The following LSAMP variants were observed in gnomAD, a reference collection of about 807,000 sequenced individuals.
The protein encoded by LSAMP is limbic system associated membrane protein, also known as limbic system-associated membrane protein.
Under a neutral mutation model 38.6 loss-of-function variants are expected in LSAMP, and 7 were observed. The ratio of observed to expected loss-of-function variants is 0.18; its 90% confidence interval spans 0.10 to 0.34. The LOEUF is 0.34. Ranked by LOEUF, LSAMP falls within the 10% of genes least tolerant of loss-of-function variation. The pLI is 1.00. For synonymous variants in LSAMP, 154 were observed against 166.8 expected (o/e 0.92, Z 0.59); for missense variants, 313 against 420.0 (o/e 0.75, Z 2.23).
intron 1 of LSAMP, among the ~76,000 whole-genome samples, chr3:116,159,896 T>C (rs536752000): frequency 6.6e-6 from 1 of 152,010 alleles, no homozygotes; most frequent in African/African-American, 2.4e-5. Flanking sequence ...TACAAAGCCA[T>C]AAAAAAAGAA....
At chr3:116,311,244 T>A (rs1468908898) in intron 1 of LSAMP, among the ~76,000 whole-genome samples, 1 of 152,184 alleles carries the variant, frequency 6.6e-6, no homozygotes, top group Non-Finnish European at 1.5e-5. Flanking sequence ...TCATCTTTTC[T>A]TATATTTACT....
intron 1 of LSAMP, among the ~76,000 whole-genome samples, chr3:116,262,779 A>G (rs1375787671): frequency 6.6e-6 from 1 of 152,204 alleles, no homozygotes; most frequent in South Asian, 2.1e-4. Context: ...GAAAGGACAG[A>G]CAGAAGGAGG....
chr3:116,359,199 G>A (rs1415324962), intron 1 of LSAMP, among the ~76,000 whole-genome samples: 1 of 152,124 alleles, frequency 6.6e-6, no homozygotes, highest in African/African-American at 2.4e-5. Context: ...TTTGTACTAT[G>A]TGTATAATAT....
intron 3 of LSAMP, among the ~76,000 whole-genome samples, chr3:115,886,070 G>A (rs989918315): frequency 6.6e-6 from 1 of 151,882 alleles, no homozygotes; most frequent in Non-Finnish European, 1.5e-5. Flanking sequence ...AGTGTTTGAG[G>A]ACAAGGGAAC....
intron 2 of LSAMP, among the ~76,000 whole-genome samples, chr3:116,041,663 C>T (rs1453959918): frequency 6.6e-6 from 1 of 151,634 alleles, no homozygotes; most frequent in Non-Finnish European, 1.5e-5. Context: ...GAAGCAAATG[C>T]TTGATACCAA....
intron 1 of LSAMP, among the ~76,000 whole-genome samples, chr3:116,118,946 G>C (rs922881565): frequency 5.3e-5 from 8 of 152,050 alleles, no homozygotes; most frequent in Non-Finnish European, 1.2e-4. Context: ...AATGCCCTGG[G>C]GATCGTTTAA....
rs181234006 is a variant in LSAMP at position 116,217,136 on chromosome 3, G to T, written c.156-130580C>A. 3.3e-4 allele frequency among the ~76,000 whole-genome samples: 50 copies of T among 152,228 alleles called. No individual in the cohort carries two copies. In the East Asian group the frequency reaches 9.3e-3, roughly 28 times the overall value. On this transcript the variant is annotated intron_variant, in intron 1 of 6. Transcript: ENST00000490035. ...ACTCGGGAGATTAATTCTCACTGCT[G>T]GTGGCTGTTCTGGTACGAGCCCCCA... is the stretch of plus-strand genomic sequence containing the variant.
rs71141863 is a variant in LSAMP, at chr3:116,222,720, C to CTTTTTTTTT, written c.156-136173_156-136165dup. On this transcript the variant is annotated intron_variant, in intron 1 of 6. Transcript: ENST00000490035. Reference sequence around the variant, plus strand: ...TTTTTTGCTCACCTTTCATCCTCTCCTTTTTTTTTTTTTTTTTTTTTTTTT... The same window carrying CTTTTTTTTT: ...TTTTTTGCTCACCTTTCATCCTCTCCTTTTTTTTTTTTTTTTTTTTTTTTTTTTTTTTTT... Among the ~76,000 whole-genome samples, 14 of 49,942 alleles carry CTTTTTTTTT rather than the reference C, an allele frequency of 2.8e-4. 2 individuals are homozygous for CTTTTTTTTT. The highest frequency in any genetic ancestry group is 5.2e-4 in the African/African-American group (6 of 11,542). The allele number at this position is 49,942 out of a possible 152,430, so 32.8% of individuals were successfully genotyped here. A position where few individuals can be genotyped will look rare whatever the true frequency, so the allele number is the denominator to read the frequency against.
intron 1 of LSAMP, among the ~76,000 whole-genome samples, chr3:116,381,774 T>G (rs894209589): frequency 1.3e-5 from 2 of 152,058 alleles, no homozygotes; most frequent in African/African-American, 2.4e-5. Flanking sequence ...ACCTTTTAGA[T>G]GTGGACTTTA....
At chr3:116,072,720 T>C (rs1180884857) in intron 2 of LSAMP, among the ~76,000 whole-genome samples, 4 of 151,870 alleles carry the variant, frequency 2.6e-5, no homozygotes, top group Non-Finnish European at 4.4e-5. Context: ...CTGTTATTGC[T>C]ATTTGCTTAC....
chr3:116,102,248 A>G (rs1708364487), intron 1 of LSAMP, among the ~76,000 whole-genome samples: 1 of 152,124 alleles, frequency 6.6e-6, no homozygotes, highest in African/African-American at 2.4e-5. Context: ...TTCAGATAAA[A>G]CTATGTTTCA....
chr3:116,437,745 T>C (rs907581980), intron 1 of LSAMP, among the ~76,000 whole-genome samples: 4 of 151,952 alleles, frequency 2.6e-5, no homozygotes, highest in African/African-American at 9.7e-5. Flanking sequence ...TTATGTATAA[T>C]AAAAATGGCA....
intron 1 of LSAMP, among the ~76,000 whole-genome samples, chr3:116,252,965 G>C (rs573362524): frequency 6.6e-6 from 1 of 152,232 alleles, no homozygotes; most frequent in African/African-American, 2.4e-5. Flanking sequence ...TTAAGAAAGA[G>C]GCTTTAATTA....
At chr3:116,434,358 G>A (rs2049319265) in intron 1 of LSAMP, among the ~76,000 whole-genome samples, 1 of 152,162 alleles carries the variant, frequency 6.6e-6, no homozygotes. Flanking sequence ...CTATATTTCA[G>A]GCAAGACACA....
intron 1 of LSAMP, among the ~76,000 whole-genome samples, chr3:116,337,182 G>T (rs1341761450): frequency 6.6e-6 from 1 of 151,902 alleles, no homozygotes; most frequent in Non-Finnish European, 1.5e-5. Flanking sequence ...AATATGGAAA[G>T]TTATTGTTTA....
Position 116,273,707 on chromosome 3 carries a change from T to TATATATATATATATATATATATACAC in LSAMP, c.155+171169_155+171170insGTGTATATATATATATATATATATAT, listed in dbSNP as rs1307543165. Among the ~76,000 whole-genome samples the TATATATATATATATATATATATACAC allele has an allele frequency of 2.8e-3, 286 of 102,416 alleles. 4 individuals are homozygous for TATATATATATATATATATATATACAC. The highest frequency in any genetic ancestry group is 4.1e-3 in the Admixed American group (39 of 9,508). The allele number at this position is 102,416 out of a possible 152,430, so 67.2% of individuals were successfully genotyped here. On this transcript the variant is annotated intron_variant, in intron 1 of 6. Transcript: ENST00000490035. ...GCATATATATATATATATATATATA[T>TATATATATATATATATATATATACAC]ACACACACACACACACGTATATATG...
intron 2 of LSAMP, among the ~76,000 whole-genome samples, chr3:116,037,184 C>G (rs1462594045): frequency 6.6e-6 from 1 of 152,124 alleles, no homozygotes; most frequent in Non-Finnish European, 1.5e-5. Context: ...TGAAACAATT[C>G]TATATTTGGC....
intron 1 of LSAMP, among the ~76,000 whole-genome samples, chr3:116,300,887 G>A (rs866873921): frequency 2.6e-5 from 4 of 152,024 alleles, no homozygotes; most frequent in Admixed American, 6.6e-5. Flanking sequence ...CTCTGAAAAC[G>A]AAATGCTCAT....
chr3:116,371,952 A>T (rs1421979987), intron 1 of LSAMP, among the ~76,000 whole-genome samples: 1 of 152,136 alleles, frequency 6.6e-6, no homozygotes, highest in Non-Finnish European at 1.5e-5. Context: ...AAACAACAAA[A>T]TACTTAGGAA....
Sources: gnomAD v4.1 joint callset for allele counts (sites outside exome capture counted in the v4.1 genomes callset) on GRCh38, gnomAD v4.1.1 for gene constraint, MANE v1.5 for transcripts, NCBI Gene and HGNC (gene_info 2026-07-23, HGNC 2026-07-21) for gene names.